Variants in RGL1 observed in about 807,000 individuals in gnomAD.
RGL1 encodes the protein ral guanine nucleotide dissociation stimulator like 1.
RGL1 carries 24 observed loss-of-function variants against 95.2 expected under a neutral mutation model. The observed-to-expected ratio is 0.25, with a 90% CI of 0.18 to 0.35. The LOEUF (loss-of-function observed/expected upper bound fraction) is 0.35. Among genes scored for constraint, RGL1 ranks in the 10% least tolerant of loss-of-function variants. The pLI is 1.00. For synonymous variants in RGL1, 329 were observed against 344.9 expected (o/e 0.95, Z 0.51); for missense variants, 715 against 936.3 (o/e 0.76, Z 3.08).
chr1:183,806,158 G>A (rs4997667), intron 1 of RGL1, among the ~76,000 whole-genome samples: 27,440 of 151,812 alleles, frequency 0.18, 2,668 homozygotes, highest in Middle Eastern at 0.21. Flanking sequence ...GGAAAAGTCA[G>A]GGGATCCTGA....
intron 2 of RGL1, among the ~76,000 whole-genome samples, chr1:183,746,018 A>G (rs1399333301): frequency 2.5e-5 from 3 of 121,354 alleles, no homozygotes; most frequent in African/African-American, 8.2e-5. Flanking sequence ...AGTTCCTTCA[A>G]TTCATTTTTT....
intron 2 of RGL1, among the ~76,000 whole-genome samples, chr1:183,827,525 GAGTA>G (rs938636808): frequency 6.6e-6 from 1 of 152,196 alleles, no homozygotes; most frequent in Non-Finnish European, 1.5e-5. Flanking sequence ...CAAAATGAAT[GAGTA>G]AGTGCTTCTA....
chr1:183,731,145 A>G (rs570210324), intron 1 of RGL1, among the ~76,000 whole-genome samples: 12 of 152,342 alleles, frequency 7.9e-5, no homozygotes, highest in Admixed American at 7.8e-4. Flanking sequence ...TATAAATCAT[A>G]AACCCATCAA....
chr1:183,817,937 G>A (rs1415055719), intron 2 of RGL1, among the ~76,000 whole-genome samples: 1 of 152,222 alleles, frequency 6.6e-6, no homozygotes, highest in Admixed American at 6.5e-5. Flanking sequence ...CCACAGAAGT[G>A]TTTCTCAGGG....
rs1341919480 is a variant in RGL1, at chr1:183,841,677, A to G, written c.139-5889A>G. ...AGTACTCAGGTGTATTGGCCTTGTC[A>G]TGTTCTGCTGGGTGTCATTACATAC... On this transcript the variant is annotated intron_variant, in intron 2 of 17. Transcript: ENST00000360851. 2.6e-5 allele frequency among the ~76,000 whole-genome samples: 4 copies of G among 152,208 alleles called. No homozygotes were observed. In the East Asian group the frequency reaches 7.7e-4, roughly 29 times the overall value.
intron 1 of RGL1, among the ~76,000 whole-genome samples, chr1:183,739,794 G>T (rs1168736935): frequency 6.6e-6 from 1 of 152,198 alleles, no homozygotes; most frequent in Non-Finnish European, 1.5e-5. Context: ...AATAGGGTGA[G>T]GAGCAATCTG....
intron 4 of RGL1, among the ~76,000 whole-genome samples, chr1:183,875,818 G>A (rs1446565234): frequency 6.8e-6 from 1 of 146,570 alleles, no homozygotes; most frequent in Non-Finnish European, 1.5e-5. Context: ...GGCGAAGATT[G>A]CAGTGAGCCG....
intron 1 of RGL1, among the ~76,000 whole-genome samples, chr1:183,679,485 C>T (rs1313922939): frequency 4.1e-5 from 6 of 145,578 alleles, no homozygotes; most frequent in Non-Finnish European, 5.9e-5. Context: ...GAACATGCGG[C>T]GTTCAGTTTT....
chr1:183,890,221 T>C (rs968972918), intron 8 of RGL1, among the ~76,000 whole-genome samples: 2 of 152,130 alleles, frequency 1.3e-5, no homozygotes, highest in Non-Finnish European at 2.9e-5. Flanking sequence ...CGAAAGGTAA[T>C]CCTTTCTTTG....
intron 1 of RGL1, chr1:183,648,183 C>A: frequency 6.2e-7 from 1 of 1,614,206 alleles, no homozygotes; most frequent in East Asian, 2.2e-5. Context: ...ACTTATAAAG[C>A]TGTGGAGAAC....
At chr1:183,645,673 C>G (rs978685988) in intron 1 of RGL1, among the ~76,000 whole-genome samples, 5 of 152,218 alleles carry the variant, frequency 3.3e-5, no homozygotes, top group African/African-American at 4.8e-5. Context: ...ACTGCAGGAT[C>G]TCACTTTGTG....
chr1:183,874,739 A>G (rs1021835501), intron 4 of RGL1, among the ~76,000 whole-genome samples: 1 of 152,136 alleles, frequency 6.6e-6, no homozygotes, highest in African/African-American at 2.4e-5. Context: ...CCAGATAATA[A>G]TATTTTCATC....
At chr1:183,921,125 T>A (rs1669287234) in intron 16 of RGL1, among the ~76,000 whole-genome samples, 1 of 152,232 alleles carries the variant, frequency 6.6e-6, no homozygotes, top group African/African-American at 2.4e-5. Flanking sequence ...CTTTTCAGGT[T>A]GCTCTGCACA....
chr1:183,857,371 C>T (rs915438936), intron 3 of RGL1, among the ~76,000 whole-genome samples: 2 of 152,148 alleles, frequency 1.3e-5, no homozygotes, highest in Non-Finnish European at 2.9e-5. Flanking sequence ...TTCTGACTTA[C>T]AGAACTATAA....
chr1:183,903,507 C>T (rs1404144036), intron 12 of RGL1, among the ~76,000 whole-genome samples: 2 of 152,138 alleles, frequency 1.3e-5, no homozygotes, highest in African/African-American at 2.4e-5. Context: ...GTAGTACTCT[C>T]GTTATTTTTC....
chr1:183,660,407 C>A (rs1651528235), intron 1 of RGL1, among the ~76,000 whole-genome samples: 1 of 150,290 alleles, frequency 6.7e-6, no homozygotes, highest in African/African-American at 2.5e-5. Context: ...AGGTTGCAAT[C>A]CTAGTCTCTG....
Position 183,906,884 on chromosome 1 carries a change from C to T in RGL1, c.1473-128C>T, listed in dbSNP as rs1056612581. ...CCCCCTGACGTTTATGATAGGACAACGTTTGTATATATCTTTACTTTGAAC... is the reference window on the plus strand; with the variant it reads ...CCCCCTGACGTTTATGATAGGACAATGTTTGTATATATCTTTACTTTGAAC... On this transcript the variant is annotated intron_variant, in intron 13 of 17. Transcript: ENST00000360851. 1.7e-4 allele frequency: 112 copies of T among 660,542 alleles called. 1 individual carries two copies. In the African/African-American group the frequency reaches 1.7e-3, roughly 10 times the overall value. The allele number at this position is 660,542 out of a possible 1,614,324, so 40.9% of individuals were successfully genotyped here.
chr1:183,853,641 G>A (rs544270982), intron 3 of RGL1, among the ~76,000 whole-genome samples: 353 of 152,266 alleles, frequency 2.3e-3, no homozygotes, highest in African/African-American at 8.1e-3. Context: ...CTTGCCATGT[G>A]TTTTCACAGG....
chr1:183,843,320 C>G, intron 2 of RGL1, among the ~76,000 whole-genome samples: 1 of 152,130 alleles, frequency 6.6e-6, no homozygotes, highest in Admixed American at 6.5e-5. Flanking sequence ...GTGGTTCTTC[C>G]TAATGCACAG....
Sources: gnomAD v4.1 joint callset for allele counts (sites outside exome capture counted in the v4.1 genomes callset) on GRCh38, gnomAD v4.1.1 for gene constraint, MANE v1.5 for transcripts, NCBI Gene and HGNC (gene_info 2026-07-23, HGNC 2026-07-21) for gene names.